Variants in CCDC93 observed in about 807,000 individuals in gnomAD.
CCDC93 encodes the protein CCC complex scaffolding subunit CCDC93, also known as coiled-coil domain-containing protein 93.
Under a neutral mutation model 108.2 loss-of-function variants are expected in CCDC93, and 61 were observed. The ratio of observed to expected loss-of-function variants is 0.56; its 90% CI spans 0.46 to 0.70. CCDC93 has a LOEUF of 0.70. Ranked by LOEUF, CCDC93 falls within the 30% of genes least tolerant of loss-of-function variation. CCDC93 has a pLI of 0.00. For missense variants in CCDC93, 685 were observed against 764.2 expected (o/e 0.90, Z 1.22); for synonymous variants, 276 against 260.4 (o/e 1.06, Z -0.58).
At chr2:117,984,913 G>A (rs1255943786) in intron 7 of CCDC93, among the ~76,000 whole-genome samples, 1 of 152,158 alleles carries the variant, frequency 6.6e-6, no homozygotes, top group African/African-American at 2.4e-5. Context: ...GGCTGTTGTT[G>A]TTGTCTTTAA....
chr2:117,979,171 C>G (rs1680036495), intron 7 of CCDC93, among the ~76,000 whole-genome samples: 1 of 152,170 alleles, frequency 6.6e-6, no homozygotes, highest in Non-Finnish European at 1.5e-5. Flanking sequence ...TTATCAATGG[C>G]AGGCCTCTTC....
chr2:117,940,191 A>G (rs972752153), intron 19 of CCDC93, among the ~76,000 whole-genome samples: 1 of 152,182 alleles, frequency 6.6e-6, no homozygotes, highest in African/African-American at 2.4e-5. Context: ...AATACGGAGT[A>G]GGAGGGCCGA....
rs777914247 is a variant in CCDC93, at chr2:117,977,983, G to A, written c.657+11C>T. ...TCAAGTATTCTCTCTTACTATCAATGTTTTTCTTACCTTCTCCATTTTGCT... is the reference window on the plus strand; with the variant it reads ...TCAAGTATTCTCTCTTACTATCAATATTTTTCTTACCTTCTCCATTTTGCT... On this transcript the variant is annotated intron_variant, in intron 8 of 23. Coordinates refer to ENST00000376300, the MANE Select transcript of CCDC93 (RefSeq NM_019044.5). 68 of 1,612,556 alleles carry A rather than the reference G, an allele frequency of 4.2e-5. No homozygotes were observed. In the East Asian group the frequency reaches 1.5e-3, roughly 36 times the overall value.
intron 13 of CCDC93, chr2:117,951,125 T>C: frequency 1.0e-6 from 1 of 983,154 alleles, no homozygotes; most frequent in Non-Finnish European, 1.2e-6. Flanking sequence ...AGAAAGCTGA[T>C]ATCAAGATAT....
In CCDC93 at chr2:117,975,600, T is replaced by A. The variant is rs186918239; in HGVS notation, c.658-320A>T. 8.7e-4 allele frequency among the ~76,000 whole-genome samples: 132 copies of A among 152,344 alleles called. 4 individuals are homozygous for A. In the South Asian group the frequency reaches 0.016, roughly 19 times the overall value. On this transcript the variant is annotated intron_variant, in intron 8 of 23. Coordinates refer to ENST00000376300, the MANE Select transcript of CCDC93 (RefSeq NM_019044.5). ...TTTAACACTTTCAAGAGCAGATCAC[T>A]ACTAAAGGAGTGTTTCTTCAAACTG...
intron 23 of CCDC93, among the ~76,000 whole-genome samples, chr2:117,923,916 T>TC (rs1358284286): frequency 3.3e-5 from 5 of 152,176 alleles, no homozygotes; most frequent in Non-Finnish European, 7.4e-5. Flanking sequence ...AGCTGGGTAC[T>TC]CCTCTGAGAC....
Position 117,973,816 on chromosome 2 carries a change from G to A in CCDC93, c.888+92C>T, listed in dbSNP as rs528404174. ...TGGCTGGTGAGTTACAAGAGAACAC[G>A]GGGCACTGCTGGGGTAGTGGGGTAA... On this transcript the variant is annotated intron_variant, in intron 11 of 23. Transcript: ENST00000376300. The A allele has an allele frequency of 1.4e-4, 134 of 927,636 alleles. 1 individual carries two copies. In the East Asian group the frequency reaches 2.6e-3, roughly 18 times the overall value. The allele number at this position is 927,636 out of a possible 1,614,324, so 57.5% of individuals were successfully genotyped here.
chr2:117,947,368 G>C (rs542311643), intron 15 of CCDC93, among the ~76,000 whole-genome samples: 1 of 152,178 alleles, frequency 6.6e-6, no homozygotes, highest in African/African-American at 2.4e-5. Context: ...AACTTGCCAG[G>C]CCTCATTTCC....
At chr2:117,952,352 A>G (rs1679083560) in intron 13 of CCDC93, 21 bp downstream of exon 13, 7 of 1,545,956 alleles carry the variant, frequency 4.5e-6, no homozygotes, top group East Asian at 2.2e-5. Flanking sequence ...CCCACAGAAG[A>G]AGGAGAATCT....
chr2:117,975,840 A>C (rs1233231482), intron 8 of CCDC93, among the ~76,000 whole-genome samples: 1 of 152,218 alleles, frequency 6.6e-6, no homozygotes, highest in African/African-American at 2.4e-5. Flanking sequence ...CAGTTTGAAT[A>C]CCACTGGTGT....
chr2:117,929,134 T>C (rs925361770), intron 23 of CCDC93, among the ~76,000 whole-genome samples: 1 of 151,972 alleles, frequency 6.6e-6, no homozygotes, highest in East Asian at 1.9e-4. Context: ...GTGGGAGGGA[T>C]AGCATTAGAA....
At chr2:117,921,124 C>T (rs1677851608) in intron 23 of CCDC93, among the ~76,000 whole-genome samples, 2 of 150,440 alleles carry the variant, frequency 1.3e-5, no homozygotes, top group African/African-American at 4.9e-5. Context: ...TTGCAGTGAG[C>T]CGAGATTGTG....
At chr2:117,971,331 CTT>C (rs1679754332) in intron 11 of CCDC93, among the ~76,000 whole-genome samples, 1 of 152,202 alleles carries the variant, frequency 6.6e-6, no homozygotes, top group South Asian at 2.1e-4. Context: ...CTACTGCACT[CTT>C]TGCCTGGGCA....
chr2:117,953,096 A>C (rs538662127), intron 12 of CCDC93, among the ~76,000 whole-genome samples: 7 of 152,338 alleles, frequency 4.6e-5, no homozygotes, highest in African/African-American at 1.2e-4. Flanking sequence ...AAATGCTCAA[A>C]AGGATTGTGT....
intron 3 of CCDC93, among the ~76,000 whole-genome samples, chr2:118,004,844 C>G (rs1676821773): frequency 6.6e-6 from 1 of 152,170 alleles, no homozygotes; most frequent in Non-Finnish European, 1.5e-5. Context: ...ATCCCTTATC[C>G]AAACCCTTTG....
At chr2:118,007,521 T>C (rs565803850) in intron 2 of CCDC93, among the ~76,000 whole-genome samples, 4 of 152,138 alleles carry the variant, frequency 2.6e-5, no homozygotes, top group East Asian at 3.9e-4. Context: ...ATGCAAAAAT[T>C]AGTCGGGCAT....
rs566355936 is a variant in CCDC93 at position 117,988,874 on chromosome 2, A to G, written c.520-2805T>C. Among the ~76,000 whole-genome samples the G allele has an allele frequency of 1.5e-4, 23 of 152,282 alleles. No individual in the cohort carries two copies. The South Asian group carries it at 4.8e-3, about 32-fold the overall frequency. On this transcript the variant is annotated intron_variant, in intron 6 of 23. Transcript: ENST00000376300. ...CATTTTCTTTTACATGAGCTCTGCT[A>G]TGTAAGTATACATCTTCTGCTCTTT...
At chr2:118,010,162 AG>A (rs775590988) in intron 1 of CCDC93, among the ~76,000 whole-genome samples, 2 of 151,902 alleles carry the variant, frequency 1.3e-5, no homozygotes, top group African/African-American at 2.4e-5. Context: ...TCACCGTGTT[AG>A]CCAGGATAGT....
intron 20 of CCDC93, among the ~76,000 whole-genome samples, chr2:117,938,555 G>A (rs201011550): frequency 2.9e-5 from 4 of 138,190 alleles, no homozygotes; most frequent in Non-Finnish European, 3.1e-5. Flanking sequence ...AAAAAGACAA[G>A]AAAAAAAAAA....
Sources: gnomAD v4.1 joint callset for allele counts (sites outside exome capture counted in the v4.1 genomes callset) on GRCh38, gnomAD v4.1.1 for gene constraint, MANE v1.5 for transcripts, NCBI Gene and HGNC (gene_info 2026-07-23, HGNC 2026-07-21) for gene names.